The following SBF2 variants were observed in gnomAD, a reference collection of about 807,000 sequenced individuals.
The protein encoded by SBF2 is SET binding factor 2, also known as myotubularin-related protein 13.
Under a neutral mutation model 225.2 loss-of-function variants are expected in SBF2, and 112 were observed. The observed-to-expected ratio is 0.50, with a 90% CI of 0.43 to 0.58. The LOEUF (loss-of-function observed/expected upper bound fraction) is 0.58, where lower values mean the gene tolerates loss of function less well. Among genes scored for constraint, SBF2 ranks in the 20% least tolerant of loss-of-function variants. The pLI, the probability that SBF2 is intolerant of heterozygous loss-of-function variation, is 0.00. For missense variants in SBF2, 1,996 were observed against 2,206.2 expected, an observed-to-expected ratio of 0.90 and a Z score of 1.91; for synonymous variants, 763 against 773.3, an observed-to-expected ratio of 0.99 and a Z score of 0.22.
At chr11:10,098,681 A>G (rs4438023) in intron 2 of SBF2, among the ~76,000 whole-genome samples, 45 of 25,784 alleles carry the variant, frequency 1.7e-3, no homozygotes, top group South Asian at 2.0e-3. Context: ...CAAAAAATGC[A>G]CACACACACA....
chr11:10,205,150 C>T (rs1957709340), intron 1 of SBF2, among the ~76,000 whole-genome samples: 1 of 151,850 alleles, frequency 6.6e-6, no homozygotes, highest in South Asian at 2.1e-4. Flanking sequence ...ACGTCCTGCA[C>T]ATGTATCCCA....
intron 1 of SBF2, among the ~76,000 whole-genome samples, chr11:10,272,452 C>T (rs1401935762): frequency 2.0e-5 from 3 of 152,162 alleles, no homozygotes; most frequent in East Asian, 3.8e-4. Context: ...TGGGCAAACA[C>T]GGTGATTTCA....
chr11:10,237,390 A>T (rs1425610226), intron 1 of SBF2, among the ~76,000 whole-genome samples: 1 of 152,122 alleles, frequency 6.6e-6, no homozygotes, highest in Non-Finnish European at 1.5e-5. Context: ...GGAGCCAAAT[A>T]AGGGAGTGTT....
At chr11:9,830,158 G>A (rs537168762) in intron 27 of SBF2, among the ~76,000 whole-genome samples, 1 of 152,316 alleles carries the variant, frequency 6.6e-6, no homozygotes, top group East Asian at 1.9e-4. Context: ...CCTGGTTTGG[G>A]TGAAGCAAAA....
intron 16 of SBF2, among the ~76,000 whole-genome samples, chr11:9,901,382 T>A (rs1160096919): frequency 1.3e-5 from 2 of 152,044 alleles, no homozygotes; most frequent in East Asian, 1.9e-4. Flanking sequence ...AAAAATGAAA[T>A]CCTGAGCCCT....
intron 19 of SBF2, 125 bp downstream of exon 19, chr11:9,856,333 G>A: frequency 3.1e-6 from 4 of 1,275,196 alleles, no homozygotes; most frequent in South Asian, 1.2e-5. Flanking sequence ...CCAAAGGTGA[G>A]GAAAAATGGT....
chr11:10,075,317 G>A (rs1951053182), intron 2 of SBF2, among the ~76,000 whole-genome samples: 1 of 152,186 alleles, frequency 6.6e-6, no homozygotes, highest in African/African-American at 2.4e-5. Context: ...CATTGTAAGT[G>A]ATTAATAAAC....
intron 2 of SBF2, among the ~76,000 whole-genome samples, chr11:10,171,286 T>C (rs1049497054): frequency 6.6e-6 from 1 of 152,188 alleles, no homozygotes; most frequent in Non-Finnish European, 1.5e-5. Flanking sequence ...CTGTTGTATA[T>C]AGCTTTTATT....
intron 6 of SBF2, 103 bp downstream of exon 6, chr11:10,028,348 TA>T: frequency 1.3e-6 from 1 of 789,606 alleles, no homozygotes. Context: ...TTTAATGGTT[TA>T]AAAAACATTT....
intron 3 of SBF2, among the ~76,000 whole-genome samples, chr11:10,034,796 T>C (rs1949375530): frequency 6.6e-6 from 1 of 152,182 alleles, no homozygotes; most frequent in South Asian, 2.1e-4. Flanking sequence ...AACTTAAAAA[T>C]TTTCCAGAAT....
chr11:10,071,351 C>T (rs1950868422), intron 2 of SBF2, among the ~76,000 whole-genome samples: 1 of 148,076 alleles, frequency 6.8e-6, no homozygotes, highest in Non-Finnish European at 1.5e-5. Context: ...ACGGCAAGCT[C>T]TGCCTCCCAG....
chr11:10,226,997 AT>A (rs1032597495), intron 1 of SBF2, among the ~76,000 whole-genome samples: 7 of 152,088 alleles, frequency 4.6e-5, no homozygotes, highest in Admixed American at 4.6e-4. Flanking sequence ...TTGTTTCCTG[AT>A]TTTTTAATGA....
At chr11:9,831,674 A>G (rs1249431322) in intron 27 of SBF2, among the ~76,000 whole-genome samples, 1 of 152,234 alleles carries the variant, frequency 6.6e-6, no homozygotes, top group Non-Finnish European at 1.5e-5. Flanking sequence ...GGTACTCACA[A>G]GTATCCTCAG....
At chr11:10,153,970 T>C (rs1955347031) in intron 2 of SBF2, among the ~76,000 whole-genome samples, 1 of 152,116 alleles carries the variant, frequency 6.6e-6, no homozygotes, top group South Asian at 2.1e-4. Flanking sequence ...AAATCGGTTG[T>C]CCATATATGT....
intron 1 of SBF2, among the ~76,000 whole-genome samples, chr11:10,231,309 G>C (rs1170401006): frequency 2.0e-5 from 3 of 152,104 alleles, no homozygotes; most frequent in Non-Finnish European, 4.4e-5. Flanking sequence ...CTCTCAACTC[G>C]TCAAAGTCAT....
intron 1 of SBF2, among the ~76,000 whole-genome samples, chr11:10,289,937 A>C (rs1013604490): frequency 6.6e-6 from 1 of 152,156 alleles, no homozygotes; most frequent in Non-Finnish European, 1.5e-5. Context: ...GGGGCAGTAC[A>C]GTCGGCTGCC....
chr11:9,938,044 GC>G (rs1393392520), intron 16 of SBF2, among the ~76,000 whole-genome samples: 1 of 123,858 alleles, frequency 8.1e-6, no homozygotes, highest in African/African-American at 2.6e-5. Context: ...TGTAATCCCA[GC>G]ACTTTGGGGG....
chr11:10,084,468 T>C (rs553789321), intron 2 of SBF2, among the ~76,000 whole-genome samples: 14 of 152,316 alleles, frequency 9.2e-5, no homozygotes, highest in Non-Finnish European at 2.1e-4. Flanking sequence ...AGAATGCTTA[T>C]ACACTGTTGG....
chr11:9,989,996 A>C (rs1947355626), intron 12 of SBF2, among the ~76,000 whole-genome samples: 1 of 152,194 alleles, frequency 6.6e-6, no homozygotes, highest in African/African-American at 2.4e-5. Context: ...ACAGTGTGTG[A>C]TCTGGGACAA....
Sources: allele counts gnomAD v4.1 joint callset (sites outside exome capture counted in the v4.1 genomes callset), GRCh38; gene constraint gnomAD v4.1.1; transcripts MANE v1.5; gene names NCBI Gene and HGNC (gene_info 2026-07-23, HGNC 2026-07-21).